NFATC2: variants seen among roughly 807,000 people sequenced by gnomAD.
NFATC2 encodes nuclear factor of activated T-cells, cytoplasmic 2.
In NFATC2, 22 loss-of-function variants were observed where a neutral mutation model predicts 87.3. The observed-to-expected ratio is 0.25, with a 90% CI of 0.18 to 0.36. NFATC2 has a LOEUF of 0.36. Ranked by LOEUF, NFATC2 falls within the 10% of genes least tolerant of loss-of-function variation. NFATC2 has a pLI of 1.00. For synonymous variants in NFATC2, 565 were observed against 542.2 expected (o/e 1.04, Z -0.58); for missense variants, 1,149 against 1,259.1 (o/e 0.91, Z 1.32).
chr20:51,529,929 C>T (rs1019996630), intron 1 of NFATC2, among the ~76,000 whole-genome samples: 6 of 152,160 alleles, frequency 3.9e-5, no homozygotes, highest in African/African-American at 1.4e-4. Context: ...GCCCCGCCCC[C>T]GCCAATGCTT....
At chr20:51,437,173 A>G (rs1004301087) in intron 6 of NFATC2, among the ~76,000 whole-genome samples, 1 of 151,872 alleles carries the variant, frequency 6.6e-6, no homozygotes, top group African/African-American at 2.4e-5. Flanking sequence ...CTGACCACCT[A>G]TACTGGTCAT....
chr20:51,556,919 G>A (rs897984208), intron 1 of NFATC2, among the ~76,000 whole-genome samples: 1 of 152,166 alleles, frequency 6.6e-6, no homozygotes, highest in Non-Finnish European at 1.5e-5. Context: ...ATTGCGTGGT[G>A]CAGAAAGTCA....
intron 5 of NFATC2, among the ~76,000 whole-genome samples, chr20:51,469,232 G>T (rs115380507): frequency 0.057 from 8,699 of 152,148 alleles, 352 homozygotes; most frequent in African/African-American, 0.1. Context: ...AGTCAGGCTG[G>T]TCTCCAACTC....
At chr20:51,471,707 A>G (rs1189291206) in intron 5 of NFATC2, among the ~76,000 whole-genome samples, 1 of 152,070 alleles carries the variant, frequency 6.6e-6, no homozygotes, top group Non-Finnish European at 1.5e-5. Flanking sequence ...GGCTTTCCCA[A>G]CCTCTTCTGC....
chr20:51,505,162 C>T (rs934610452), intron 3 of NFATC2, among the ~76,000 whole-genome samples: 5 of 151,518 alleles, frequency 3.3e-5, no homozygotes, highest in Non-Finnish European at 7.4e-5. Flanking sequence ...TACATGCGCC[C>T]GCCACCATGC....
At chr20:51,548,758 C>T (rs765577056) in intron 1 of NFATC2, among the ~76,000 whole-genome samples, 2 of 152,274 alleles carry the variant, frequency 1.3e-5, no homozygotes, top group Admixed American at 6.5e-5. Context: ...GGAAGAATGG[C>T]GCCCAACAGA....
intron 3 of NFATC2, among the ~76,000 whole-genome samples, chr20:51,499,475 G>A (rs1053122681): frequency 1.3e-5 from 2 of 152,232 alleles, no homozygotes; most frequent in Non-Finnish European, 1.5e-5. Flanking sequence ...AAACGCGGCC[G>A]GGCACGGTGG....
At chr20:51,392,872 G>A (rs959996) in intron 10 of NFATC2, among the ~76,000 whole-genome samples, 59,183 of 152,000 alleles carry the variant, frequency 0.39, 11,475 homozygotes, top group African/African-American at 0.43. Context: ...TAACAGAGTC[G>A]GGGAATGCAA....
At chr20:51,404,277 G>T (rs910154) in intron 9 of NFATC2, among the ~76,000 whole-genome samples, 133,259 of 151,792 alleles carry the variant, frequency 0.88, 58,647 homozygotes, top group South Asian at 0.92. Flanking sequence ...TCCCAGCTCT[G>T]CCACATCCTT....
chr20:51,464,060 A>G (rs1244192559), intron 5 of NFATC2, among the ~76,000 whole-genome samples: 1 of 152,056 alleles, frequency 6.6e-6, no homozygotes. Context: ...GTTCCTTCCC[A>G]GCAGCAGGGT....
Position 51,389,387 on chromosome 20 carries a change from G to A in NFATC2, c.*2109C>T, listed in dbSNP as rs1986089243. The A allele has an allele frequency of 6.6e-6, 1 of 152,176 alleles. No individual in the cohort carries two copies. Among genetic ancestry groups the A allele is most frequent in the Non-Finnish European group, 1.5e-5 (1 of 68,030 alleles). 9.4% of individuals were successfully genotyped at this position (152,176 alleles called of 1,614,324 possible). On this transcript the variant is annotated 3_prime_UTR_variant, in exon 11 of 11. Transcript: ENST00000371564. ...TCCTAGCCAGTCCTAGCCAGGTCGA[G>A]TGAGAACAAATCACTCACCACACAC...
At chr20:51,459,668 A>T (rs1335481602) in intron 5 of NFATC2, among the ~76,000 whole-genome samples, 1 of 152,196 alleles carries the variant, frequency 6.6e-6, no homozygotes, top group Non-Finnish European at 1.5e-5. Context: ...ACCTGAGGTC[A>T]GAAGTTCGAG....
chr20:51,510,984 C>T (rs891595645), intron 3 of NFATC2, among the ~76,000 whole-genome samples: 3 of 152,182 alleles, frequency 2.0e-5, no homozygotes, highest in African/African-American at 7.2e-5. Context: ...GAGCCAAATT[C>T]AACCCAAAGT....
chr20:51,411,900 G>A lies in NFATC2; in HGVS notation c.2723-13170C>T, dbSNP rs773992482. 2.0e-5 allele frequency among the ~76,000 whole-genome samples: 3 copies of A among 152,218 alleles called. No homozygotes were observed. The East Asian group carries it at 5.8e-4, about 29-fold the overall frequency. On this transcript the variant is annotated intron_variant, in intron 9 of 10. Transcript: ENST00000371564. ...CTCTGCAGATGTGTTGAGTAGAACT[G>A]ACCAAAGTGCAAGAAATTTGGGCCA...
chr20:51,561,440 A>G (rs146177756), intron 1 of NFATC2, among the ~76,000 whole-genome samples: 17,141 of 78,100 alleles, frequency 0.22, 1,267 homozygotes, highest in African/African-American at 0.3. Flanking sequence ...GAAAAGAAAG[A>G]AAGAAAGAAA....
chr20:51,520,551 A>G (rs966923028), intron 2 of NFATC2, among the ~76,000 whole-genome samples: 27 of 151,994 alleles, frequency 1.8e-4, no homozygotes, highest in African/African-American at 6.5e-4. Flanking sequence ...AGAATGAAGG[A>G]AAAGTGAACG....
At chr20:51,496,316 C>T (rs1323850431) in intron 3 of NFATC2, among the ~76,000 whole-genome samples, 1 of 152,092 alleles carries the variant, frequency 6.6e-6, no homozygotes, top group Non-Finnish European at 1.5e-5. Context: ...AAGCCCTGAG[C>T]GTGTCAAATG....
chr20:51,477,577 AT>A (rs1568667439), intron 3 of NFATC2, among the ~76,000 whole-genome samples: 1,175 of 86,342 alleles, frequency 0.014, 20 homozygotes, highest in South Asian at 0.026. Flanking sequence ...ATATATATAT[AT>A]ATAAAATAAC....
At chr20:51,466,201 C>T (rs1188564661) in intron 5 of NFATC2, among the ~76,000 whole-genome samples, 1 of 152,160 alleles carries the variant, frequency 6.6e-6, no homozygotes, top group Non-Finnish European at 1.5e-5. Flanking sequence ...TACAGGTGTG[C>T]ACCACCACAC....
Sources: allele counts gnomAD v4.1 joint callset (sites outside exome capture counted in the v4.1 genomes callset), GRCh38; gene constraint gnomAD v4.1.1; transcripts MANE v1.5; gene names NCBI Gene and HGNC (gene_info 2026-07-23, HGNC 2026-07-21).